The following DSE variants were observed in gnomAD, a reference collection of about 807,000 sequenced individuals.
DSE encodes the protein dermatan sulfate epimerase.
A neutral mutation model predicts 84.4 loss-of-function variants in DSE; 36 were observed. The observed-to-expected ratio is 0.43, with a 90% CI of 0.33 to 0.56. DSE has a LOEUF of 0.56. Among genes scored for constraint, DSE ranks in the 20% least tolerant of loss-of-function variants. The probability of loss-of-function intolerance (pLI) is 0.06; values close to 1 mark genes in which losing one functional copy is unlikely to be tolerated. For missense variants in DSE, 862 were observed against 1,169.6 expected, an observed-to-expected ratio of 0.74 and a Z score of 3.84; for synonymous variants, 410 against 430.1, an observed-to-expected ratio of 0.95 and a Z score of 0.58.
chr6:116,279,657 C>A (rs1304481739), intron 2 of DSE: 2 of 1,606,374 alleles, frequency 1.2e-6, no homozygotes, highest in Non-Finnish European at 1.7e-6. Flanking sequence ...GAGGCGGGAG[C>A]GCGACGGTCT....
rs118004193 is a variant in DSE at position 116,350,597 on chromosome 6, T to C, written c.-53-48601T>C. 5.5e-3 allele frequency among the ~76,000 whole-genome samples: 838 copies of C among 152,312 alleles called. 2 individuals carry two copies. The highest frequency in any genetic ancestry group is 7.6e-3 in the Non-Finnish European group (516 of 68,024). ...AAAGTCCAACTGACACAATTGTCTA[T>C]TCTTTGAGGGAACAAAAAACCCAGT... On this transcript the variant is annotated intron_variant, in intron 2 of 3. Transcript: ENST00000430252.
intron 2 of DSE, among the ~76,000 whole-genome samples, chr6:116,297,257 G>A (rs1774728798): frequency 2.0e-5 from 3 of 152,096 alleles, no homozygotes; most frequent in Non-Finnish European, 4.4e-5. Context: ...ATGGGAGTTG[G>A]AGGAGGAACA....
chr6:116,265,448 C>G (rs1772583037), intron 2 of DSE, among the ~76,000 whole-genome samples: 1 of 152,112 alleles, frequency 6.6e-6, no homozygotes, highest in Non-Finnish European at 1.5e-5. Flanking sequence ...ACAGCACTCC[C>G]ACATGCTGGT....
At chr6:116,279,953 C>T (rs1773412915) in intron 2 of DSE, 6 of 1,420,346 alleles carry the variant, frequency 4.2e-6, no homozygotes, top group Middle Eastern at 2.1e-4. Flanking sequence ...GCGGTGTCGT[C>T]AGGACTGGAG....
intron 2 of DSE, among the ~76,000 whole-genome samples, chr6:116,259,741 T>A (rs1180929416): frequency 6.6e-6 from 1 of 152,208 alleles, no homozygotes; most frequent in Non-Finnish European, 1.5e-5. Flanking sequence ...ATTCGTGGTA[T>A]TTGGTTTCCT....
chr6:116,430,077 G>C (rs1230071194), intron 3 of DSE, among the ~76,000 whole-genome samples: 7 of 152,176 alleles, frequency 4.6e-5, no homozygotes, highest in Admixed American at 4.6e-4. Flanking sequence ...TTTCAGTGGG[G>C]AGATTAAAAT....
chr6:116,345,356 A>G (rs1283298365), intron 2 of DSE, among the ~76,000 whole-genome samples: 1 of 152,240 alleles, frequency 6.6e-6, no homozygotes, highest in African/African-American at 2.4e-5. Flanking sequence ...AAAATTGACC[A>G]CATAGTTGGA....
intron 2 of DSE, among the ~76,000 whole-genome samples, chr6:116,411,515 A>C (rs1034288969): frequency 6.6e-6 from 1 of 152,214 alleles, no homozygotes; most frequent in Non-Finnish European, 1.5e-5. Flanking sequence ...GTTCCTGATG[A>C]AGTGTAGATA....
At chr6:116,370,793 GA>G, upstream of DSE, 1 of 978,886 alleles carries the variant, frequency 1.0e-6, no homozygotes, top group Non-Finnish European at 1.2e-6. Flanking sequence ...TCGGCCGGGG[GA>G]GGGGGTCCCC....
chr6:116,422,940 G>T (rs185040546), intron 2 of DSE, among the ~76,000 whole-genome samples: 2 of 152,290 alleles, frequency 1.3e-5, no homozygotes, highest in African/African-American at 4.8e-5. Flanking sequence ...GCTCTAAGGG[G>T]TGAAACTGTA....
At position 116,437,418 on chromosome 6, in the gene DSE, C is replaced by T; in HGVS notation, c.*73C>T. 1.5e-6 allele frequency: 2 copies of T among 1,317,608 alleles called. No homozygotes were observed. Among genetic ancestry groups the T allele is most frequent in the Admixed American group, 5.4e-5 (2 of 36,812 alleles). The allele number at this position is 1,317,608 out of a possible 1,614,324, so 81.6% of individuals were successfully genotyped here. On this transcript the variant is annotated 3_prime_UTR_variant, in exon 6 of 6. Coordinates refer to ENST00000644252, the MANE Select transcript of DSE (RefSeq NM_013352.4). Reference sequence around the variant, plus strand: ...TGCAAAAAAAAAAATTTCTTTACCCCAGATTATCAGATTTTTTTCCCTCAG... The same window carrying T: ...TGCAAAAAAAAAAATTTCTTTACCCTAGATTATCAGATTTTTTTCCCTCAG...
rs531671544 is a variant in DSE at position 116,325,073 on chromosome 6, C to G, written c.-54+66106C>G. On this transcript the variant is annotated intron_variant, in intron 2 of 3. Transcript: ENST00000430252. ...TGGTTCACCCAGGGTGGAAACAATC[C>G]TCCTTGGAAAGGCTGGAACCAGGTG... Among the ~76,000 whole-genome samples the G allele has an allele frequency of 1.3e-4, 20 of 152,118 alleles. No homozygotes were observed. In the East Asian group the frequency reaches 3.9e-3, roughly 29 times the overall value.
intron 2 of DSE, chr6:116,399,886 A>G: frequency 1.9e-6 from 1 of 537,156 alleles, no homozygotes; most frequent in South Asian, 2.7e-5. Flanking sequence ...ATTTAGATGC[A>G]GCCTAATCTA....
chr6:116,285,298 G>T (rs1024653427), intron 2 of DSE, among the ~76,000 whole-genome samples: 8 of 151,924 alleles, frequency 5.3e-5, no homozygotes, highest in Non-Finnish European at 1.0e-4. Flanking sequence ...TCATGTGTCT[G>T]TAGGCTGTAT....
chr6:116,299,614 A>T (rs1184703099), intron 2 of DSE, among the ~76,000 whole-genome samples: 1 of 136,952 alleles, frequency 7.3e-6, no homozygotes, highest in African/African-American at 2.6e-5. Context: ...ATATGTATGT[A>T]TGTAGGTAGG....
intron 2 of DSE, among the ~76,000 whole-genome samples, chr6:116,363,153 T>A (rs927851400): frequency 6.6e-6 from 1 of 152,196 alleles, no homozygotes; most frequent in Non-Finnish European, 1.5e-5. Flanking sequence ...CCAAGATTGT[T>A]GTATCCTATA....
chr6:116,388,288 A>G (rs1362893059), intron 1 of DSE, among the ~76,000 whole-genome samples: 1 of 152,176 alleles, frequency 6.6e-6, no homozygotes, highest in Admixed American at 6.5e-5. Context: ...GGAGAAGACC[A>G]ATGTTCCAGC....
chr6:116,348,457 C>T (rs1185234627), intron 2 of DSE, among the ~76,000 whole-genome samples: 1 of 150,874 alleles, frequency 6.6e-6, no homozygotes, highest in African/African-American at 2.4e-5. Context: ...AAAAAAAAAC[C>T]CCAAAAGTCA....
intron 2 of DSE, among the ~76,000 whole-genome samples, chr6:116,289,226 G>T (rs1042338109): frequency 2.0e-5 from 3 of 151,816 alleles, no homozygotes; most frequent in Non-Finnish European, 2.9e-5. Context: ...TTTTAGTAAG[G>T]TAAAATGGTA....
Sources: allele counts gnomAD v4.1 joint callset (sites outside exome capture counted in the v4.1 genomes callset), GRCh38; gene constraint gnomAD v4.1.1; transcripts MANE v1.5; gene names NCBI Gene and HGNC (gene_info 2026-07-23, HGNC 2026-07-21).